Variants in PHACTR2 observed in about 807,000 individuals in gnomAD.
PHACTR2 encodes phosphatase and actin regulator 2.
PHACTR2 carries 30 observed loss-of-function variants against 76.0 expected under a neutral mutation model. The observed-to-expected ratio is 0.39, with a 90% confidence interval of 0.30 to 0.54. The LOEUF (loss-of-function observed/expected upper bound fraction) is 0.54, where lower values mean the gene tolerates loss of function less well. Among genes scored for constraint, PHACTR2 ranks in the 20% least tolerant of loss-of-function variants. The probability of loss-of-function intolerance (pLI) is 0.61; values close to 1 mark genes in which losing one functional copy is unlikely to be tolerated. For missense variants in PHACTR2, 696 were observed against 781.1 expected (o/e 0.89, Z 1.30); for synonymous variants, 292 against 292.5 (o/e 1.00, Z 0.02).
chr6:143,569,103 C>T (rs905999520), intron 1 of PHACTR2, among the ~76,000 whole-genome samples: 4 of 152,136 alleles, frequency 2.6e-5, no homozygotes, highest in African/African-American at 9.7e-5. Flanking sequence ...TCGTGCTCAC[C>T]CGTGACCATG....
rs1776079652 is a variant in PHACTR2 at position 143,617,733 on chromosome 6, C to T, written c.13+9411C>T. Among the ~76,000 whole-genome samples the T allele has an allele frequency of 6.6e-6, 1 of 152,142 alleles. No homozygotes were observed. Among genetic ancestry groups the T allele is most frequent in the Non-Finnish European group, 1.5e-5 (1 of 68,036 alleles). ...GAGGCTGTGAGATTAATGAGACCTC[C>T]AAGGAAATGGCTGAAAGAAAAGAGC... On this transcript the variant is annotated intron_variant, in intron 1 of 11. Coordinates refer to the PHACTR2 transcript ENST00000305766. This position sits in a 1 kb window ranked among gnomAD's most constrained non-coding sequence, Gnocchi z 4.8.
At position 143,689,513 on chromosome 6, in the gene PHACTR2, T is replaced by C. The variant is rs574071857; in HGVS notation, c.46+11304T>C. Among the ~76,000 whole-genome samples the C allele has an allele frequency of 2.0e-5, 3 of 152,276 alleles. No individual in the cohort carries two copies. Among genetic ancestry groups the C allele is most frequent in the African/African-American group, 2.4e-5 (1 of 41,554 alleles). On this transcript the variant is annotated intron_variant, in intron 1 of 12. Coordinates refer to ENST00000440869, the MANE Select transcript of PHACTR2 (RefSeq NM_001100164.2). The surrounding 1 kb of genome is among the most constrained non-coding windows in gnomAD (Gnocchi z 4.4). ...ATTCTTTAATTCTCCAGTCTCTAAA[T>C]AGCATGCTCTTTGCTACCTATTGAT...
Position 143,743,028 on chromosome 6 carries a change from C to G in PHACTR2, c.215-5957C>G, listed in dbSNP as rs1295040139. Among the ~76,000 whole-genome samples the G allele has an allele frequency of 6.6e-6, 1 of 152,186 alleles. No individual in the cohort carries two copies. Among genetic ancestry groups the G allele is most frequent in the Non-Finnish European group, 1.5e-5 (1 of 68,038 alleles). On this transcript the variant is annotated intron_variant, in intron 2 of 12. Coordinates refer to ENST00000440869, the MANE Select transcript of PHACTR2 (RefSeq NM_001100164.2). This position sits in a 1 kb window ranked among gnomAD's most constrained non-coding sequence, Gnocchi z 5.0. ...AACCAGGAAAGTAGTTGCTATCTCT[C>G]CATTTTGCAGATGAGGACGCTGAGG...
rs187421747 is a variant in PHACTR2 at position 143,774,615 on chromosome 6, G to T, written c.1589+400G>T. Among the ~76,000 whole-genome samples the T allele has an allele frequency of 1.3e-5, 2 of 152,188 alleles. No individual in the cohort carries two copies. The highest frequency in any genetic ancestry group is 2.9e-5 in the Non-Finnish European group (2 of 68,030). ...TTATTCATAAAGCTGGATTTGGCCT[G>T]CAGATCACAGTTTGCTCAACAATCC... On this transcript the variant is annotated intron_variant, in intron 8 of 12. Transcript: ENST00000440869. The surrounding 1 kb of genome is among the most constrained non-coding windows in gnomAD (Gnocchi z 5.4).
chr6:143,636,708 A>T (rs1454564094), intron 1 of PHACTR2, among the ~76,000 whole-genome samples: 1 of 152,214 alleles, frequency 6.6e-6, no homozygotes, highest in Non-Finnish European at 1.5e-5. Flanking sequence ...AACAGGATAG[A>T]TTTTGCCATG....
At chr6:143,773,611 G>C (rs1440808469) in intron 7 of PHACTR2, among the ~76,000 whole-genome samples, 1 of 152,048 alleles carries the variant, frequency 6.6e-6, no homozygotes, top group Non-Finnish European at 1.5e-5. Flanking sequence ...GGTAATTAAG[G>C]GTTAAACATT....
chr6:143,605,351 T>C (rs934621822), upstream of PHACTR2, among the ~76,000 whole-genome samples: 7 of 152,314 alleles, frequency 4.6e-5, no homozygotes, highest in East Asian at 1.4e-3. The surrounding 1 kb of genome is among the most constrained non-coding windows in gnomAD (Gnocchi z 5.0). Context: ...GCCTCTACCA[T>C]GCCCACAGCA....
chr6:143,783,492 G>A lies in PHACTR2; in HGVS notation c.1707+212G>A, dbSNP rs1775479930. 6.6e-6 allele frequency among the ~76,000 whole-genome samples: 1 copy of A among 152,156 alleles called. No homozygotes were observed. The highest frequency in any genetic ancestry group is 2.1e-4 in the South Asian group (1 of 4,832). Reference sequence around the variant, plus strand: ...AAAATTAGCCGGCATGGTGGCACATGCCTGTAGTTCCAGCTACTCAGGAGG... The same window carrying A: ...AAAATTAGCCGGCATGGTGGCACATACCTGTAGTTCCAGCTACTCAGGAGG... On this transcript the variant is annotated intron_variant, in intron 10 of 12. Coordinates refer to ENST00000440869, the MANE Select transcript of PHACTR2 (RefSeq NM_001100164.2). This position sits in a 1 kb window ranked among gnomAD's most constrained non-coding sequence, Gnocchi z 5.2.
chr6:143,661,037 A>G (rs1157659479), intron 1 of PHACTR2, among the ~76,000 whole-genome samples: 5 of 152,196 alleles, frequency 3.3e-5, no homozygotes, highest in African/African-American at 1.2e-4. Context: ...TTCAAATGGC[A>G]ATATCAGTTT....
In PHACTR2 at chr6:143,749,036, G is replaced by A. The variant is rs1030026857; in HGVS notation, c.266G>A (p.Arg89Lys). 25 of 1,588,252 alleles carry A rather than the reference G, an allele frequency of 1.6e-5. No individual in the cohort carries two copies. The highest frequency in any genetic ancestry group is 2.2e-5 in the Non-Finnish European group (25 of 1,156,682). Residue 89 changes from arginine (R) to lysine (K), a missense_variant, in exon 3 of 13, where the codon AGG becomes AAG. Arg to Lys is a conservative substitution (Grantham distance 26). This residue lies in a region of PHACTR2 where 460 missense variants were observed against 450.9 expected (regional missense o/e 1.02). Transcript: ENST00000440869. ...TRQSREELIR[R>K]GVLKELPDQD... ...CAAAGTAGAGAGGAGCTGATAAGAA[G>A]GGGAGTGCTTAAGGAATTGCCTGAT...
intron 1 of PHACTR2, among the ~76,000 whole-genome samples, chr6:143,630,731 A>G (rs968049988): frequency 6.6e-6 from 1 of 152,236 alleles, no homozygotes; most frequent in East Asian, 1.9e-4. Flanking sequence ...TTATGGTACA[A>G]TGCCATTTAT....
chr6:143,644,208 T>G (rs1034211338), intron 1 of PHACTR2, among the ~76,000 whole-genome samples: 5 of 152,090 alleles, frequency 3.3e-5, no homozygotes, highest in African/African-American at 1.2e-4. Context: ...TCAAATACAC[T>G]GAAATTTTAC....
At position 143,830,710 on chromosome 6, in the gene PHACTR2, C is replaced by G. The variant is rs1562324762; in HGVS notation, c.*7021C>G. ...TTTAGTTGTATAATATTAGAGGATA[C>G]TTTGCTGTGCACAATTCCAAGTGCC... On this transcript the variant is annotated 3_prime_UTR_variant, in exon 13 of 13. Transcript: ENST00000440869. 1 of 152,186 alleles carries G rather than the reference C, an allele frequency of 6.6e-6. No individual in the cohort carries two copies. The highest frequency in any genetic ancestry group is 1.5e-5 in the Non-Finnish European group (1 of 68,022). 9.4% of individuals were successfully genotyped at this position (152,186 alleles called of 1,614,324 possible).
Position 143,597,723 on chromosome 6 carries a change from T to C in PHACTR2, c.217+60516T>C, listed in dbSNP as rs977635287. On this transcript the variant is annotated intron_variant, in intron 1 of 11. Coordinates refer to the PHACTR2 transcript ENST00000367584. This position sits in a 1 kb window ranked among gnomAD's most constrained non-coding sequence, Gnocchi z 5.7. ...GCATTGACCTAAACACTTCTTCCTT[T>C]AAGCCACTGAACATGCTGGACCCAG... Among the ~76,000 whole-genome samples, 2 of 152,244 alleles carry C rather than the reference T, an allele frequency of 1.3e-5. No individual in the cohort carries two copies. Among genetic ancestry groups the C allele is most frequent in the African/African-American group, 4.8e-5 (2 of 41,474 alleles).
Position 143,619,492 on chromosome 6 carries a change from A to G in PHACTR2, c.13+11170A>G, listed in dbSNP as rs917746060. 7.2e-5 allele frequency among the ~76,000 whole-genome samples: 11 copies of G among 152,224 alleles called. No individual in the cohort carries two copies. Among genetic ancestry groups the G allele is most frequent in the African/African-American group, 2.7e-4 (11 of 41,458 alleles). On this transcript the variant is annotated intron_variant, in intron 1 of 11. Coordinates refer to the PHACTR2 transcript ENST00000305766. This position sits in a 1 kb window ranked among gnomAD's most constrained non-coding sequence, Gnocchi z 4.5. ...TAAAGATCTTGTGCCTTGCACAAAA[A>G]TGCTCTGAAATACCCTACTGAAGGG...
chr6:143,728,309 T>G (rs571201222), intron 2 of PHACTR2, among the ~76,000 whole-genome samples: 218 of 150,366 alleles, frequency 1.4e-3, no homozygotes, highest in Non-Finnish European at 2.6e-3. Flanking sequence ...CCTACAGGGC[T>G]TAGGTGATCC....
chr6:143,551,116 T>TA (rs1339647548), intron 1 of PHACTR2, among the ~76,000 whole-genome samples: 2 of 151,920 alleles, frequency 1.3e-5, no homozygotes, highest in Admixed American at 6.6e-5. Flanking sequence ...ATCCATTCTT[T>TA]AAGGTGACAT....
In PHACTR2 at chr6:143,807,029, C is replaced by G; in HGVS notation, c.1846-28C>G. ...GCAATATATGACCTAAATAACAGTT[C>G]TGTTTATCTATTTTTTTTCCTGTTT... On this transcript the variant is annotated intron_variant, in intron 11 of 12. Coordinates refer to ENST00000440869, the MANE Select transcript of PHACTR2 (RefSeq NM_001100164.2). This position sits in a 1 kb window ranked among gnomAD's most constrained non-coding sequence, Gnocchi z 5.5. The G allele has an allele frequency of 7.9e-7, 1 of 1,272,084 alleles. No homozygotes were observed. The highest frequency in any genetic ancestry group is 1.2e-5 in the South Asian group (1 of 81,992). The allele number at this position is 1,272,084 out of a possible 1,614,324, so 78.8% of individuals were successfully genotyped here.
intron 1 of PHACTR2, among the ~76,000 whole-genome samples, chr6:143,681,944 C>G (rs1042993543): frequency 3.9e-5 from 6 of 152,184 alleles, no homozygotes; most frequent in African/African-American, 1.4e-4. Flanking sequence ...CTTCTTATGC[C>G]AGTTACCACA....
Sources: allele counts gnomAD v4.1 joint callset (sites outside exome capture counted in the v4.1 genomes callset), GRCh38; gene constraint gnomAD v4.1.1; regional missense constraint gnomAD v4.1.1; non-coding constraint Gnocchi (gnomAD v3.1); transcripts MANE v1.5; gene names NCBI Gene and HGNC (gene_info 2026-07-23, HGNC 2026-07-21).